Variants in KCTD8 observed in about 807,000 individuals in gnomAD.
The protein encoded by KCTD8 is potassium channel tetramerization domain containing 8.
A neutral mutation model predicts 31.5 loss-of-function variants in KCTD8; 27 were observed. That is an observed-to-expected ratio of 0.86 (90% CI 0.63 to 1.18). KCTD8 has a LOEUF of 1.18. Ranked by LOEUF, KCTD8 falls within the 50% of genes most tolerant of loss-of-function variation. KCTD8 has a pLI of 0.00. For missense variants in KCTD8, 658 were observed against 647.7 expected (o/e 1.02, Z -0.17); for synonymous variants, 290 against 280.0 (o/e 1.04, Z -0.36).
At chr4:44,246,226 A>G (rs1189363736) in intron 1 of KCTD8, among the ~76,000 whole-genome samples, 7 of 152,046 alleles carry the variant, frequency 4.6e-5, no homozygotes, top group Non-Finnish European at 1.0e-4. Flanking sequence ...CCAACCTCAA[A>G]TGCTTTTAAT....
At chr4:44,430,468 C>T (rs1221606928) in intron 1 of KCTD8, among the ~76,000 whole-genome samples, 1 of 151,616 alleles carries the variant, frequency 6.6e-6, no homozygotes, top group Non-Finnish European at 1.5e-5. Context: ...TATGTTATGG[C>T]CCATGAAATT....
intron 1 of KCTD8, among the ~76,000 whole-genome samples, chr4:44,198,662 T>C (rs1714022208): frequency 6.6e-6 from 1 of 151,916 alleles, no homozygotes; most frequent in South Asian, 2.1e-4. Context: ...AAGGAAATGA[T>C]AAACATAAAA....
chr4:44,194,413 A>G (rs1053017601), intron 1 of KCTD8, among the ~76,000 whole-genome samples: 1 of 152,190 alleles, frequency 6.6e-6, no homozygotes, highest in Non-Finnish European at 1.5e-5. Flanking sequence ...TACTGGTAAC[A>G]CCTTCTATGT....
chr4:44,365,052 T>C (rs75878167), intron 1 of KCTD8, among the ~76,000 whole-genome samples: 1,931 of 152,192 alleles, frequency 0.013, 21 homozygotes, highest in Non-Finnish European at 0.02. Flanking sequence ...GAGTAAACCT[T>C]ATAATAAACT....
In KCTD8 at chr4:44,221,347, ATGTG is replaced by A. The variant is rs35222595; in HGVS notation, c.962-46101_962-46098del. 4.5e-3 allele frequency among the ~76,000 whole-genome samples: 664 copies of A among 148,272 alleles called. 1 individual carries two copies. The highest frequency in any genetic ancestry group is 5.4e-3 in the Non-Finnish European group (358 of 66,824). ...GTCCATCAGGTGTGTGTGTGTGTGC[ATGTG>A]TGTGTGTGTGTGTGTGTGTTTAGGA... On this transcript the variant is annotated intron_variant, in intron 1 of 1. Coordinates refer to ENST00000360029, the MANE Select transcript of KCTD8 (RefSeq NM_198353.3).
At chr4:44,343,898 C>T (rs1005238591) in intron 1 of KCTD8, among the ~76,000 whole-genome samples, 9 of 152,106 alleles carry the variant, frequency 5.9e-5, no homozygotes, top group East Asian at 3.9e-4. Context: ...CTCGCTCTGT[C>T]GCTAGGCTGG....
intron 1 of KCTD8, among the ~76,000 whole-genome samples, chr4:44,362,810 C>T (rs1318829444): frequency 3.4e-5 from 5 of 148,770 alleles, no homozygotes; most frequent in African/African-American, 1.2e-4. Flanking sequence ...AAAGTTAACC[C>T]ATTTAGGACC....
At chr4:44,381,199 T>C (rs1012638352) in intron 1 of KCTD8, among the ~76,000 whole-genome samples, 2 of 152,052 alleles carry the variant, frequency 1.3e-5, no homozygotes, top group Admixed American at 1.3e-4. Context: ...ATAAATGCCA[T>C]GGGAGATTTT....
intron 1 of KCTD8, among the ~76,000 whole-genome samples, chr4:44,438,675 C>G (rs1476952080): frequency 6.6e-6 from 1 of 152,106 alleles, no homozygotes; most frequent in Non-Finnish European, 1.5e-5. Flanking sequence ...GATAACAGGA[C>G]CTTTTCAGGG....
chr4:44,296,634 C>A (rs556853277), intron 1 of KCTD8, among the ~76,000 whole-genome samples: 1 of 152,134 alleles, frequency 6.6e-6, no homozygotes, highest in South Asian at 2.1e-4. Context: ...TTAATAAGTT[C>A]ATAAAATTAC....
At chr4:44,200,982 AC>A (rs1487147357) in intron 1 of KCTD8, among the ~76,000 whole-genome samples, 1 of 152,108 alleles carries the variant, frequency 6.6e-6, no homozygotes, top group Non-Finnish European at 1.5e-5. Flanking sequence ...AAATTAGTGT[AC>A]AAAAATCAAT....
chr4:44,259,883 A>T (rs576320756), intron 1 of KCTD8, among the ~76,000 whole-genome samples: 28 of 151,924 alleles, frequency 1.8e-4, no homozygotes, highest in Non-Finnish European at 3.4e-4. Flanking sequence ...CCAAAAAACA[A>T]TCCTTAAATA....
intron 1 of KCTD8, among the ~76,000 whole-genome samples, chr4:44,435,873 A>G (rs1397348283): frequency 1.3e-5 from 2 of 152,062 alleles, no homozygotes; most frequent in Non-Finnish European, 2.9e-5. Flanking sequence ...CCCACTGTGA[A>G]AACTGGCTAT....
At chr4:44,245,947 T>TA (rs1359908168) in intron 1 of KCTD8, among the ~76,000 whole-genome samples, 1 of 152,110 alleles carries the variant, frequency 6.6e-6, no homozygotes, top group Admixed American at 6.5e-5. Flanking sequence ...TAGTTTTTCA[T>TA]AGTTTCTTTA....
intron 1 of KCTD8, among the ~76,000 whole-genome samples, chr4:44,216,204 C>G (rs963842195): frequency 6.6e-6 from 1 of 152,098 alleles, no homozygotes; most frequent in African/African-American, 2.4e-5. Context: ...ATTTAGTTTT[C>G]TAATTCCCAT....
intron 1 of KCTD8, among the ~76,000 whole-genome samples, chr4:44,252,240 A>C (rs1183118739): frequency 6.6e-6 from 1 of 151,762 alleles, no homozygotes; most frequent in African/African-American, 2.4e-5. Context: ...TTGTATGCAT[A>C]TATCACAATT....
rs34405384 is a variant in KCTD8 at position 44,192,475 on chromosome 4, TACACACACAC to T, written c.962-17235_962-17226del. Among the ~76,000 whole-genome samples the T allele has an allele frequency of 3.9e-4, 53 of 137,184 alleles. 1 individual carries two copies. The highest frequency in any genetic ancestry group is 9.3e-4 in the African/African-American group (35 of 37,764). 90.0% of individuals were successfully genotyped at this position (137,184 alleles called of 152,430 possible). The stretch of plus-strand genomic sequence containing the variant: ...GGATGGGGTGCAAGGTAAGCAAAGA[TACACACACAC>T]ACACACACACACACACACACACACA... On this transcript the variant is annotated intron_variant, in intron 1 of 1. Coordinates refer to ENST00000360029, the MANE Select transcript of KCTD8 (RefSeq NM_198353.3).
chr4:44,251,234 T>C (rs1156476218), intron 1 of KCTD8, among the ~76,000 whole-genome samples: 4 of 151,728 alleles, frequency 2.6e-5, no homozygotes, highest in Non-Finnish European at 5.9e-5. Context: ...TCACACCTTT[T>C]AGTAAGTCTT....
intron 1 of KCTD8, among the ~76,000 whole-genome samples, chr4:44,377,022 G>A (rs974153973): frequency 6.6e-6 from 1 of 152,108 alleles, no homozygotes; most frequent in African/African-American, 2.4e-5. Context: ...ACATAAATGA[G>A]GCCCACACAC....
Sources: gnomAD v4.1 joint callset for allele counts (sites outside exome capture counted in the v4.1 genomes callset) on GRCh38, gnomAD v4.1.1 for gene constraint, MANE v1.5 for transcripts, NCBI Gene and HGNC (gene_info 2026-07-23, HGNC 2026-07-21) for gene names.